Variants in LPAR1 observed in about 807,000 individuals in gnomAD.
The protein encoded by LPAR1 is lysophosphatidic acid receptor 1, also known as LPA receptor 1.
In LPAR1, 5 loss-of-function variants were observed where a neutral mutation model predicts 23.8. The ratio of observed to expected loss-of-function variants is 0.21; its 90% CI spans 0.11 to 0.44. LPAR1 has a LOEUF of 0.44. Among genes scored for constraint, LPAR1 ranks in the 20% least tolerant of loss-of-function variants. The probability of loss-of-function intolerance (pLI) is 0.99; values close to 1 mark genes in which losing one functional copy is unlikely to be tolerated. For synonymous variants in LPAR1, 160 were observed against 164.7 expected, an observed-to-expected ratio of 0.97 and a Z score of 0.22; for missense variants, 311 against 482.8, an observed-to-expected ratio of 0.64 and a Z score of 3.33.
chr9:111,017,949 G>T (rs1002799851), intron 2 of LPAR1, among the ~76,000 whole-genome samples: 1 of 152,124 alleles, frequency 6.6e-6, no homozygotes, highest in African/African-American at 2.4e-5. Flanking sequence ...AACCCAGGAG[G>T]TGGAGGTTGC....
intron 4 of LPAR1, among the ~76,000 whole-genome samples, chr9:110,963,020 T>C (rs1164514911): frequency 2.0e-5 from 3 of 152,136 alleles, no homozygotes; most frequent in African/African-American, 7.2e-5. Flanking sequence ...TCTAGGGGTA[T>C]GAAAACGAGA....
intron 2 of LPAR1, among the ~76,000 whole-genome samples, chr9:110,974,543 T>C (rs1274077607): frequency 2.0e-5 from 3 of 152,234 alleles, no homozygotes; most frequent in Admixed American, 6.5e-5. Flanking sequence ...GATACTACAG[T>C]TTCAATCACT....
intron 1 of LPAR1, chr9:111,037,692 C>T (rs1224590120): frequency 6.6e-6 from 1 of 151,966 alleles, no homozygotes; most frequent in African/African-American, 2.4e-5. Flanking sequence ...GCCCCAGGGG[C>T]GCAGGGACCC....
intron 2 of LPAR1, among the ~76,000 whole-genome samples, chr9:110,998,441 A>G (rs1183497347): frequency 6.6e-6 from 1 of 152,234 alleles, no homozygotes; most frequent in Admixed American, 6.5e-5. Flanking sequence ...CTTTTGAATT[A>G]TTCAATAAAG....
chr9:110,904,736 G>C (rs2090609017), intron 5 of LPAR1, among the ~76,000 whole-genome samples: 1 of 152,158 alleles, frequency 6.6e-6, no homozygotes, highest in Admixed American at 6.5e-5. Context: ...GGAGTGGCTG[G>C]AGAAGTAGGT....
At chr9:110,936,659 C>T (rs1206036091) in intron 5 of LPAR1, among the ~76,000 whole-genome samples, 2 of 152,156 alleles carry the variant, frequency 1.3e-5, no homozygotes, top group South Asian at 2.1e-4. Context: ...CCATGGTGAT[C>T]GTTTCCAACC....
chr9:110,982,191 C>A (rs1470690802), intron 2 of LPAR1, among the ~76,000 whole-genome samples: 1 of 152,134 alleles, frequency 6.6e-6, no homozygotes, highest in Non-Finnish European at 1.5e-5. Flanking sequence ...TTTACTGCAG[C>A]ATTGTTCACA....
intron 2 of LPAR1, among the ~76,000 whole-genome samples, chr9:110,989,420 T>C (rs1236581777): frequency 1.3e-5 from 2 of 152,186 alleles, no homozygotes; most frequent in African/African-American, 4.8e-5. Flanking sequence ...CTCAATAAAG[T>C]TGTTCTAAAA....
Position 110,918,523 on chromosome 9 carries a change from C to T in LPAR1, c.793+22898G>A, listed in dbSNP as rs183326101. Among the ~76,000 whole-genome samples, 1,104 of 152,206 alleles carry T rather than the reference C, an allele frequency of 7.3e-3. 12 individuals are homozygous for T. Among genetic ancestry groups the T allele is most frequent in the African/African-American group, 0.025 (1,038 of 41,554 alleles). On this transcript the variant is annotated intron_variant, in intron 5 of 5. Transcript: ENST00000683809. The stretch of plus-strand genomic sequence containing the variant: ...ACATCATGATTATGTGTTTCCATGC[C>T]ACTGTGTTCAGGAAGTAAGCGGTCT...
intron 5 of LPAR1, among the ~76,000 whole-genome samples, chr9:110,883,918 T>C (rs1306939010): frequency 6.8e-5 from 10 of 148,112 alleles, no homozygotes; most frequent in Admixed American, 4.8e-4. Context: ...TCTTCTAACG[T>C]ACATCTTTTT....
At chr9:110,930,512 A>G (rs902546006) in intron 5 of LPAR1, among the ~76,000 whole-genome samples, 1 of 151,964 alleles carries the variant, frequency 6.6e-6, no homozygotes, top group Non-Finnish European at 1.5e-5. Context: ...CTCCATCTCA[A>G]AAAATAAAAA....
rs3780525 is a variant in LPAR1, at chr9:110,929,146, C to G, written c.793+12275G>C. 2.8e-3 allele frequency among the ~76,000 whole-genome samples: 427 copies of G among 152,292 alleles called. 18 individuals are homozygous for G. In the East Asian group the frequency reaches 0.074, roughly 26 times the overall value. ...AAGACCCTGTTATTGCTGTGTCACC[C>G]TATTAGAACCTCATATTTGCTTTGG... On this transcript the variant is annotated intron_variant, in intron 5 of 5. Coordinates refer to ENST00000683809, the MANE Select transcript of LPAR1 (RefSeq NM_001351411.2).
chr9:110,927,553 G>C (rs2094129965), intron 5 of LPAR1, among the ~76,000 whole-genome samples: 1 of 151,700 alleles, frequency 6.6e-6, no homozygotes, highest in African/African-American at 2.4e-5. Context: ...ATTGACCTAG[G>C]AAAAGTTAAG....
Position 111,038,063 on chromosome 9 carries a change from A to G in LPAR1, c.-262+104T>C, listed in dbSNP as rs949295134. 4.0e-5 allele frequency: 6 copies of G among 151,736 alleles called. No homozygotes were observed. Among genetic ancestry groups the G allele is most frequent in the African/African-American group, 1.5e-4 (6 of 41,362 alleles). The allele number at this position is 151,736 out of a possible 1,614,324, so 9.4% of individuals were successfully genotyped here. ...AACCACAAAGCCCGTCCGCGGCGGG[A>G]CAGTGTGAGCCCAGCGCGCCGTGTG... On this transcript the variant is annotated intron_variant, in intron 1 of 5. Coordinates refer to ENST00000683809, the MANE Select transcript of LPAR1 (RefSeq NM_001351411.2). The surrounding 1 kb of genome is among the most constrained non-coding windows in gnomAD (Gnocchi z 4.4).
At chr9:110,881,899 G>A (rs751113760) in intron 5 of LPAR1, among the ~76,000 whole-genome samples, 1 of 152,148 alleles carries the variant, frequency 6.6e-6, no homozygotes, top group Non-Finnish European at 1.5e-5. Context: ...GGCCCTGCTA[G>A]TTTCTTGGAT....
At chr9:110,979,361 A>G (rs1249340428) in intron 2 of LPAR1, among the ~76,000 whole-genome samples, 1 of 152,076 alleles carries the variant, frequency 6.6e-6, no homozygotes, top group Non-Finnish European at 1.5e-5. Context: ...AAATGAGTCC[A>G]GCAGGTCTAA....
chr9:110,901,436 T>C (rs1301526480), intron 5 of LPAR1, among the ~76,000 whole-genome samples: 3 of 152,164 alleles, frequency 2.0e-5, no homozygotes, highest in African/African-American at 7.2e-5. Flanking sequence ...GGGTAATTTA[T>C]AAAGGAAACA....
intron 5 of LPAR1, among the ~76,000 whole-genome samples, chr9:110,892,767 G>GGGAAGGAAGGAA (rs757546909): frequency 6.9e-4 from 67 of 97,344 alleles, no homozygotes; most frequent in East Asian, 1.5e-3. Context: ...AGGGGAGGAA[G>GGGAAGGAAGGAA]GGAAGGAAGG....
chr9:110,977,504 G>A (rs944499741), intron 2 of LPAR1, among the ~76,000 whole-genome samples: 4 of 152,148 alleles, frequency 2.6e-5, no homozygotes, highest in African/African-American at 9.7e-5. Flanking sequence ...TTCTGGAGCT[G>A]ATGCTGGCTC....
Sources: gnomAD v4.1 joint callset for allele counts (sites outside exome capture counted in the v4.1 genomes callset) on GRCh38, gnomAD v4.1.1 for gene constraint, Gnocchi (gnomAD v3.1) non-coding constraint, MANE v1.5 for transcripts, NCBI Gene and HGNC (gene_info 2026-07-23, HGNC 2026-07-21) for gene names.